Variants in NUAK1 observed in about 807,000 individuals in gnomAD.
The protein encoded by NUAK1 is NUAK family kinase 1.
NUAK1 carries 26 observed loss-of-function variants against 56.9 expected under a neutral mutation model. The observed-to-expected ratio is 0.46, with a 90% CI of 0.33 to 0.63. NUAK1 has a LOEUF of 0.63. Among genes scored for constraint, NUAK1 ranks in the 30% least tolerant of loss-of-function variants. NUAK1 has a pLI of 0.02. For missense variants in NUAK1, 727 were observed against 876.1 expected (o/e 0.83, Z 2.15); for synonymous variants, 337 against 336.0 (o/e 1.00, Z -0.03).
chr12:106,126,186 A>G (rs2033023103), intron 1 of NUAK1, among the ~76,000 whole-genome samples: 1 of 152,216 alleles, frequency 6.6e-6, no homozygotes, highest in African/African-American at 2.4e-5. Flanking sequence ...GACCACAAAG[A>G]CTGAAGATCT....
chr12:106,114,030 G>T (rs961633238), intron 1 of NUAK1, among the ~76,000 whole-genome samples: 2 of 152,164 alleles, frequency 1.3e-5, no homozygotes, highest in Admixed American at 1.3e-4. Context: ...ATTTTTGGAC[G>T]TTCACGTCTC....
rs986772834 is a variant in NUAK1, at chr12:106,097,824, A to G, written c.361+8581T>C. On this transcript the variant is annotated intron_variant, in intron 2 of 6. Coordinates refer to ENST00000261402, the MANE Select transcript of NUAK1 (RefSeq NM_014840.3). ...CTGTAACCCACCCCCAGAGTTTCCA[A>G]TTCAGCAGGTCTGGGGCTACCCTTT... is the stretch of plus-strand genomic sequence containing the variant. 4.6e-5 allele frequency among the ~76,000 whole-genome samples: 7 copies of G among 152,130 alleles called. No individual in the cohort carries two copies. In the East Asian group the frequency reaches 1.4e-3, roughly 29 times the overall value.
chr12:106,077,093 A>G (rs1592849362), intron 4 of NUAK1, among the ~76,000 whole-genome samples: 1 of 152,374 alleles, frequency 6.6e-6, no homozygotes, highest in South Asian at 2.1e-4. Context: ...CCTTGCTGAC[A>G]TTAACTGATA....
intron 4 of NUAK1, 132 bp downstream of exon 4, chr12:106,083,732 G>T (rs1301796381): frequency 1.2e-5 from 9 of 725,602 alleles, no homozygotes; most frequent in Non-Finnish European, 2.0e-5. Context: ...CAAGCAAAGA[G>T]ACTCTTCCCC....
intron 2 of NUAK1, among the ~76,000 whole-genome samples, chr12:106,088,701 C>T (rs1441554669): frequency 6.6e-6 from 1 of 152,190 alleles, no homozygotes; most frequent in African/African-American, 2.4e-5. Context: ...AGGCCTTCCC[C>T]TTACAGCATA....
rs773115753 is a variant in NUAK1 at position 106,064,795 on chromosome 12, C to CT, written c.*2006_*2007insA. The stretch of plus-strand genomic sequence containing the variant: ...GTCCTCCATGCACCCACACCCCCAC[C>CT]CCCCCCCACACACACAATTTGCTAT... On this transcript the variant is annotated 3_prime_UTR_variant, in exon 7 of 7. Transcript: ENST00000261402. 7.4e-6 allele frequency: 1 copy of CT among 135,874 alleles called. No individual in the cohort carries two copies. The highest frequency in any genetic ancestry group is 1.6e-5 in the Non-Finnish European group (1 of 61,952). 8.4% of individuals were successfully genotyped at this position (135,874 alleles called of 1,614,324 possible).
Position 106,064,787 on chromosome 12 carries a change from A to ACCCCCCCCCCCCCCCCCCCCC in NUAK1, c.*2014_*2015insGGGGGGGGGGGGGGGGGGGGG, listed in dbSNP as rs201301314. 9.3e-6 allele frequency: 1 copy of ACCCCCCCCCCCCCCCCCCCCC among 107,954 alleles called. No homozygotes were observed. The highest frequency in any genetic ancestry group is 2.1e-5 in the Non-Finnish European group (1 of 47,706). The allele number at this position is 107,954 out of a possible 1,614,324, so 6.7% of individuals were successfully genotyped here. ...TGCAGGTTGTCCTCCATGCACCCACACCCCCACCCCCCCCCACACACACAA... is the reference window on the plus strand; with the variant it reads ...TGCAGGTTGTCCTCCATGCACCCACACCCCCCCCCCCCCCCCCCCCCCCCCCACCCCCCCCCACACACACAA... On this transcript the variant is annotated 3_prime_UTR_variant, in exon 7 of 7. Coordinates refer to ENST00000261402, the MANE Select transcript of NUAK1 (RefSeq NM_014840.3).
intron 6 of NUAK1, among the ~76,000 whole-genome samples, chr12:106,069,376 AT>A (rs2032379975): frequency 6.6e-6 from 1 of 152,052 alleles, no homozygotes; most frequent in Non-Finnish European, 1.5e-5. Flanking sequence ...TATTTCTCAC[AT>A]TTTTTGGAAT....
intron 4 of NUAK1, among the ~76,000 whole-genome samples, chr12:106,083,422 G>GT (rs2032538888): frequency 6.6e-6 from 1 of 152,188 alleles, no homozygotes. Context: ...AAATTACTTA[G>GT]TTTTTCTGTG....
rs761625631 is a variant in NUAK1, at chr12:106,066,780, C to T, written c.*22G>A. The T allele has an allele frequency of 1.6e-5, 26 of 1,581,678 alleles. No homozygotes were observed. Among genetic ancestry groups the T allele is most frequent in the African/African-American group, 1.5e-4 (11 of 74,284 alleles). ...CCCCTTCCTCCCTCGTACCCCCGCC[C>T]GCCCCTGGGCGCCCTGGAATGCTAG... On this transcript the variant is annotated 3_prime_UTR_variant, in exon 7 of 7. Transcript: ENST00000261402.
At position 106,087,163 on chromosome 12, in the gene NUAK1, G is replaced by A. The variant is rs183916828; in HGVS notation, c.362-278C>T. On this transcript the variant is annotated intron_variant, in intron 2 of 6. Transcript: ENST00000261402. ...CTGAGGACCCCACTTTCCTTGTCAA[G>A]ATCATTTCTCATACCCTCTCCCAGA... 4.1e-4 allele frequency among the ~76,000 whole-genome samples: 62 copies of A among 152,316 alleles called. 1 individual carries two copies. In the East Asian group the frequency reaches 0.011, roughly 27 times the overall value.
At chr12:106,083,760 G>A (rs2032542831) in intron 4 of NUAK1, 104 bp downstream of exon 4, 2 of 926,194 alleles carry the variant, frequency 2.2e-6, no homozygotes, top group African/African-American at 1.6e-5. Context: ...TGCCAGGTAG[G>A]AAGTGGCTGC....
intron 3 of NUAK1, 57 bp from the exon 4 acceptor site, chr12:106,083,986 G>C: frequency 7.0e-7 from 1 of 1,427,132 alleles, no homozygotes; most frequent in Non-Finnish European, 9.9e-7. Flanking sequence ...GAGAACAAGA[G>C]AGAAAGAGGA....
At position 106,083,793 on chromosome 12, in the gene NUAK1, G is replaced by A; in HGVS notation, c.579+71C>T. On this transcript the variant is annotated intron_variant, in intron 4 of 6. Transcript: ENST00000261402. Reference sequence around the variant, plus strand: ...TGCCTTATTTCCAGGCTGCGGCTTGGAGCAGGTTAAGCCTCCATCCGGCTG... The same window carrying A: ...TGCCTTATTTCCAGGCTGCGGCTTGAAGCAGGTTAAGCCTCCATCCGGCTG... 2.2e-6 allele frequency: 3 copies of A among 1,357,128 alleles called. No homozygotes were observed. In the Middle Eastern group the frequency reaches 5.4e-4, roughly 246 times the overall value. The allele number at this position is 1,357,128 out of a possible 1,614,324, so 84.1% of individuals were successfully genotyped here.
intron 1 of NUAK1, among the ~76,000 whole-genome samples, chr12:106,120,154 C>G (rs2032959700): frequency 6.6e-6 from 1 of 152,166 alleles, no homozygotes; most frequent in Non-Finnish European, 1.5e-5. Context: ...AATGAGCCAA[C>G]TACCCACCCT....
chr12:106,100,724 G>C (rs2032739039), intron 2 of NUAK1, among the ~76,000 whole-genome samples: 1 of 152,200 alleles, frequency 6.6e-6, no homozygotes, highest in Admixed American at 6.5e-5. Context: ...GGTTAGTACA[G>C]CTCAAGATGA....
At chr12:106,086,503 A>T (rs1437588546) in intron 3 of NUAK1, among the ~76,000 whole-genome samples, 1 of 152,238 alleles carries the variant, frequency 6.6e-6, no homozygotes, top group Non-Finnish European at 1.5e-5. Flanking sequence ...TACATAAAAA[A>T]ATAAATGTGA....
At chr12:106,112,402 GCA>G (rs1440954179) in intron 1 of NUAK1, among the ~76,000 whole-genome samples, 1 of 151,158 alleles carries the variant, frequency 6.6e-6, no homozygotes, top group African/African-American at 2.5e-5. Context: ...CCTGGGAGAT[GCA>G]CAGAGTGTGG....
chr12:106,100,666 T>C (rs117197346), intron 2 of NUAK1, among the ~76,000 whole-genome samples: 3,302 of 152,342 alleles, frequency 0.022, 48 homozygotes, highest in Non-Finnish European at 0.033. Context: ...AGCATTTTTG[T>C]TAATGAATAA....
Sources: gnomAD v4.1 joint callset for allele counts (sites outside exome capture counted in the v4.1 genomes callset) on GRCh38, gnomAD v4.1.1 for gene constraint, MANE v1.5 for transcripts, NCBI Gene and HGNC (gene_info 2026-07-23, HGNC 2026-07-21) for gene names.